The following FAM149A variants were observed in gnomAD, a reference collection of about 807,000 sequenced individuals.
FAM149A encodes family with sequence similarity 149 member A.
FAM149A carries 71 observed loss-of-function variants against 78.2 expected under a neutral mutation model. The observed-to-expected ratio is 0.91, with a 90% CI of 0.75 to 1.11. The LOEUF (loss-of-function observed/expected upper bound fraction) is 1.11. Among genes scored for constraint, FAM149A ranks in the 50% least tolerant of loss-of-function variants. FAM149A has a pLI of 0.00. For synonymous variants in FAM149A, 446 were observed against 410.5 expected (o/e 1.09, Z -1.04); for missense variants, 1,036 against 971.0 (o/e 1.07, Z -0.89).
chr4:186,120,729 G>A (rs374068624), intron 1 of FAM149A, among the ~76,000 whole-genome samples: 1 of 140,688 alleles, frequency 7.1e-6, no homozygotes, highest in East Asian at 2.2e-4. Context: ...GGGAGGTGGA[G>A]CTTGCAGTGA....
chr4:186,137,289 A>C (rs1305663373), intron 1 of FAM149A, among the ~76,000 whole-genome samples: 1 of 151,646 alleles, frequency 6.6e-6, no homozygotes, highest in South Asian at 2.1e-4. Flanking sequence ...GCCACCTTTC[A>C]GGTGGCTGAA....
chr4:186,109,373 T>G (rs568582759), intron 1 of FAM149A: 1 of 701,452 alleles, frequency 1.4e-6, no homozygotes, highest in East Asian at 1.3e-4. Flanking sequence ...AACATTGCAG[T>G]GGCTGCTTGA....
Position 186,174,344 on chromosome 4 carries a change from G to A in FAM149A, c.*2357G>A, listed in dbSNP as rs567355120. Among the ~76,000 whole-genome samples the A allele has an allele frequency of 4.5e-5, 5 of 110,336 alleles. 2 individuals carry two copies. Among genetic ancestry groups the A allele is most frequent in the Non-Finnish European group, 1.1e-4 (5 of 44,020 alleles). 72.4% of individuals were successfully genotyped at this position (110,336 alleles called of 152,430 possible). On this transcript the variant is annotated 3_prime_UTR_variant, in exon 14 of 14. Coordinates refer to ENST00000389354, the MANE Select transcript of FAM149A (RefSeq NM_001367768.3). ...GAGAACGGATGGCATTTGTTTTTCT[G>A]TTTCTGCATTAGTTTGCTAAGGATA...
chr4:186,125,946 C>T, intron 1 of FAM149A: 1 of 985,366 alleles, frequency 1.0e-6, no homozygotes, highest in African/African-American at 1.7e-5. Flanking sequence ...GAGGTAACAG[C>T]CTGTTCTCCA....
intron 1 of FAM149A, among the ~76,000 whole-genome samples, chr4:186,136,976 TTCTCTCTCTCTCTCTCTCTCTCTCTC>T (rs70964917): frequency 1.4e-5 from 1 of 72,094 alleles, no homozygotes; most frequent in Non-Finnish European, 2.6e-5. Flanking sequence ...CTCTCTCTCT[TTCTCTCTCTCTCTCTCTCTCTCTCTC>T]TCTCTCTCTC....
At chr4:186,147,118 C>T (rs1463203441) in intron 1 of FAM149A, among the ~76,000 whole-genome samples, 1 of 152,210 alleles carries the variant, frequency 6.6e-6, no homozygotes, top group African/African-American at 2.4e-5. Context: ...TGCGGTGGCT[C>T]ATGCCTATAG....
At chr4:186,133,631 C>A (rs1384111680) in intron 1 of FAM149A, among the ~76,000 whole-genome samples, 1 of 152,122 alleles carries the variant, frequency 6.6e-6, no homozygotes, top group African/African-American at 2.4e-5. Flanking sequence ...TGGGTTGCTT[C>A]CCTCTTCAGC....
At position 186,162,938 on chromosome 4, in the gene FAM149A, G is replaced by A. The variant is rs1243753371; in HGVS notation, c.1669G>A (p.Asp557Asn). 1.9e-6 allele frequency: 3 copies of A among 1,597,808 alleles called. No individual in the cohort carries two copies. The African/African-American group carries it at 4.1e-5, about 22-fold the overall frequency. The change falls in exon 9 of 14, where the codon GAC becomes AAC. Residue 557 changes from aspartate (D) to asparagine (N), a missense_variant. Physicochemically the swap from Asp to Asn is conservative, Grantham distance 23. This residue lies in a region of FAM149A where 716 missense variants were observed against 711.8 expected (regional missense o/e 1.01). Coordinates refer to ENST00000389354, the MANE Select transcript of FAM149A (RefSeq NM_001367768.3). Reference sequence around the variant, plus strand: ...TCAGCGGAGACCTGCCTATTTTGCTGACAGAACGCAGTACGTATCAGAATC... The same window carrying A: ...TCAGCGGAGACCTGCCTATTTTGCTAACAGAACGCAGTACGTATCAGAATC...
intron 4 of FAM149A, among the ~76,000 whole-genome samples, chr4:186,152,840 G>A (rs776281324): frequency 3.3e-5 from 5 of 152,180 alleles, no homozygotes; most frequent in Non-Finnish European, 4.4e-5. Flanking sequence ...CACCGCGCCC[G>A]GCCAAAGGCA....
chr4:186,107,959 G>A (rs1272906303), intron 1 of FAM149A, among the ~76,000 whole-genome samples: 1 of 152,126 alleles, frequency 6.6e-6, no homozygotes, highest in Non-Finnish European at 1.5e-5. Context: ...AGAGACAAAG[G>A]GGAAGGAAGA....
intron 1 of FAM149A, chr4:186,133,248 T>C (rs1357719863): frequency 1.5e-5 from 14 of 944,270 alleles, no homozygotes; most frequent in Non-Finnish European, 1.8e-5. Flanking sequence ...TACCATTTAG[T>C]GGCATTAAGT....
intron 1 of FAM149A, among the ~76,000 whole-genome samples, chr4:186,147,990 A>G (rs1398897224): frequency 6.6e-6 from 1 of 152,210 alleles, no homozygotes; most frequent in Non-Finnish European, 1.5e-5. Flanking sequence ...TGGAAGGTAG[A>G]TGTTCTCGCC....
At chr4:186,166,565 C>G (rs905965128) in intron 11 of FAM149A, among the ~76,000 whole-genome samples, 1 of 149,098 alleles carries the variant, frequency 6.7e-6, no homozygotes, top group Non-Finnish European at 1.5e-5. Flanking sequence ...GCAGGAGAAT[C>G]GCTTGAACCC....
At chr4:186,160,824 C>G in intron 8 of FAM149A, 5 of 984,946 alleles carry the variant, frequency 5.1e-6, no homozygotes, top group Non-Finnish European at 6.0e-6. Context: ...GGGAGACAGT[C>G]TAGCTGATAG....
At chr4:186,145,890 A>G (rs926273844) in intron 1 of FAM149A, among the ~76,000 whole-genome samples, 1 of 152,162 alleles carries the variant, frequency 6.6e-6, no homozygotes, top group Non-Finnish European at 1.5e-5. Flanking sequence ...GAACTAGTCC[A>G]TAGTTTATAG....
chr4:186,122,112 C>T (rs1463753933), intron 1 of FAM149A, among the ~76,000 whole-genome samples: 5 of 151,916 alleles, frequency 3.3e-5, no homozygotes. Flanking sequence ...TTGCTGACAA[C>T]ATATAGATAA....
intron 1 of FAM149A, among the ~76,000 whole-genome samples, chr4:186,108,436 A>T (rs144348946): frequency 1.3e-5 from 2 of 152,248 alleles, no homozygotes; most frequent in East Asian, 3.9e-4. Flanking sequence ...CAAAAAACTA[A>T]AAGTAGTGAA....
At position 186,149,593 on chromosome 4, in the gene FAM149A, C is replaced by T. The variant is rs769359216; in HGVS notation, c.678C>T (p.Cys226=). ...AATCCTTGTCATCCTTTTCCTCCAG[C>T]GGAAGCCATACACCCACGGGAGCCC... is the stretch of plus-strand genomic sequence containing the variant. The change falls in exon 3 of 14, where the codon TGC becomes TGT. Residue 226 remains cysteine (C), a splice_region_variant and synonymous_variant. Coordinates refer to ENST00000389354, the MANE Select transcript of FAM149A (RefSeq NM_001367768.3). 1.4e-5 allele frequency: 18 copies of T among 1,289,782 alleles called. No individual in the cohort carries two copies. Among genetic ancestry groups the T allele is most frequent in the South Asian group, 1.4e-4 (11 of 81,030 alleles). The allele number at this position is 1,289,782 out of a possible 1,614,324, so 79.9% of individuals were successfully genotyped here.
At chr4:186,157,931 C>A in intron 8 of FAM149A, 6 of 1,529,794 alleles carry the variant, frequency 3.9e-6, no homozygotes, top group Non-Finnish European at 5.2e-6. Flanking sequence ...CTATGAAGGA[C>A]GAGGATGTGC....
Sources: gnomAD v4.1 joint callset for allele counts (sites outside exome capture counted in the v4.1 genomes callset) on GRCh38, gnomAD v4.1.1 for gene constraint, gnomAD v4.1.1 regional missense constraint, MANE v1.5 for transcripts, NCBI Gene and HGNC (gene_info 2026-07-23, HGNC 2026-07-21) for gene names.